KDM4C: variants seen among roughly 807,000 people sequenced by gnomAD.
The protein encoded by KDM4C is lysine-specific demethylase 4C.
In KDM4C, 81 loss-of-function variants were observed where a neutral mutation model predicts 129.3. The observed-to-expected ratio is 0.63, with a 90% CI of 0.52 to 0.75. The LOEUF (loss-of-function observed/expected upper bound fraction) is 0.75. KDM4C is among the 30% of genes least tolerant of loss of function. The pLI is 0.00. For synonymous variants in KDM4C, 573 were observed against 456.1 expected (o/e 1.26, Z -3.26); for missense variants, 1,457 against 1,304.0 (o/e 1.12, Z -1.81).
chr9:6,925,047 A>G lies in KDM4C; in HGVS notation c.921+31815A>G, dbSNP rs1007924688. 7.1e-6 allele frequency: 7 copies of G among 985,234 alleles called. No individual in the cohort carries two copies. The African/African-American group carries it at 1.2e-4, about 17-fold the overall frequency. The allele number at this position is 985,234 out of a possible 1,614,324, so 61.0% of individuals were successfully genotyped here. On this transcript the variant is annotated intron_variant, in intron 8 of 21. Coordinates refer to ENST00000381309, the MANE Select transcript of KDM4C (RefSeq NM_015061.6). ...TTCTGAAATGAACCAGGTGTATAAG[A>G]ATGAACATTCAACGAAACATGCATC... is the stretch of plus-strand genomic sequence containing the variant.
At chr9:6,969,515 G>C (rs773789879) in intron 8 of KDM4C, among the ~76,000 whole-genome samples, 5 of 152,138 alleles carry the variant, frequency 3.3e-5, no homozygotes, top group Non-Finnish European at 7.4e-5. Context: ...TCTTTTGGCA[G>C]ATCCTTATAT....
intron 7 of KDM4C, among the ~76,000 whole-genome samples, chr9:6,889,920 A>G (rs929349515): frequency 2.6e-5 from 4 of 152,094 alleles, no homozygotes; most frequent in African/African-American, 9.7e-5. Context: ...GCAGCTCTCT[A>G]CCAGTACTAC....
intron 1 of KDM4C, among the ~76,000 whole-genome samples, chr9:6,779,414 C>T (rs879487497): frequency 6.0e-5 from 9 of 150,494 alleles, no homozygotes; most frequent in Non-Finnish European, 1.2e-4. Context: ...GTAGATCTAG[C>T]AGAAGTAGCT....
intron 8 of KDM4C, among the ~76,000 whole-genome samples, chr9:6,907,669 C>A (rs989735547): frequency 3.3e-5 from 5 of 152,176 alleles, no homozygotes; most frequent in Non-Finnish European, 5.9e-5. Context: ...GGACATTTCA[C>A]GTTGATTCTA....
intron 8 of KDM4C, among the ~76,000 whole-genome samples, chr9:6,948,977 C>T (rs1228022842): frequency 2.6e-5 from 4 of 152,354 alleles, no homozygotes; most frequent in South Asian, 4.1e-4. Context: ...CATCATGGCC[C>T]GTTCTCATTG....
At chr9:7,075,380 G>C (rs1052608023) in intron 17 of KDM4C, among the ~76,000 whole-genome samples, 2 of 152,126 alleles carry the variant, frequency 1.3e-5, no homozygotes, top group East Asian at 3.8e-4. Flanking sequence ...GGCAGTGTTG[G>C]GGGGTGCGAC....
intron 15 of KDM4C, among the ~76,000 whole-genome samples, chr9:7,028,997 G>A (rs1308967923): frequency 6.6e-6 from 1 of 152,134 alleles, no homozygotes; most frequent in African/African-American, 2.4e-5. Context: ...TTAAAAACCA[G>A]GTACTGTGGG....
At chr9:7,014,958 C>A (rs1259428968) in intron 14 of KDM4C, among the ~76,000 whole-genome samples, 1 of 143,140 alleles carries the variant, frequency 7.0e-6, no homozygotes, top group Non-Finnish European at 1.5e-5. Flanking sequence ...ACACACCTTA[C>A]ATTATTATGT....
intron 3 of KDM4C, among the ~76,000 whole-genome samples, chr9:6,807,233 C>T (rs886427122): frequency 1.3e-5 from 2 of 152,174 alleles, no homozygotes; most frequent in African/African-American, 2.4e-5. Flanking sequence ...GATCTCGGCT[C>T]ACTATAACCT....
intron 17 of KDM4C, among the ~76,000 whole-genome samples, chr9:7,053,086 C>G (rs1830431627): frequency 6.6e-6 from 1 of 152,108 alleles, no homozygotes; most frequent in Non-Finnish European, 1.5e-5. Context: ...TAGTATAAAG[C>G]TAGTAACTGC....
chr9:7,093,387 TAAC>T (rs927180570), intron 17 of KDM4C, among the ~76,000 whole-genome samples: 3 of 152,148 alleles, frequency 2.0e-5, no homozygotes, highest in African/African-American at 4.8e-5. Flanking sequence ...AATAATAAAA[TAAC>T]AACACGAAAA....
chr9:6,731,324 G>GTTTTTTTT (rs1563914599), intron 1 of KDM4C, among the ~76,000 whole-genome samples: 1 of 92,946 alleles, frequency 1.1e-5, no homozygotes, highest in African/African-American at 4.1e-5. Flanking sequence ...TTTTTTTTTT[G>GTTTTTTTT]CTTTTTTTTT....
rs531909681 is a variant in KDM4C at position 6,793,120 on chromosome 9, G to C, written c.132G>C (p.Ala44=). 5 of 1,613,810 alleles carry C rather than the reference G, an allele frequency of 3.1e-6. No homozygotes were observed. The highest frequency in any genetic ancestry group is 4.2e-6 in the Non-Finnish European group (5 of 1,179,898). Residue 44 remains alanine (A), a synonymous_variant, in exon 2 of 22, where the codon GCG becomes GCC. Coordinates refer to ENST00000381309, the MANE Select transcript of KDM4C (RefSeq NM_015061.6). ...TGGAGTCTAAAGGAGCCCATCGTGC[G>C]GGTCTTGCAAAGGTGATTATCCTTC... ...AYMESKGAHR[A]GLAKVIPPKE...
intron 17 of KDM4C, among the ~76,000 whole-genome samples, chr9:7,060,464 TTA>T: frequency 2.2e-5 from 2 of 90,522 alleles, no homozygotes; most frequent in South Asian, 5.5e-4. Flanking sequence ...GTTATTATTA[TTA>T]TTATTATTAT....
intron 15 of KDM4C, among the ~76,000 whole-genome samples, chr9:7,022,000 T>A (rs138142969): frequency 1.3e-5 from 2 of 152,216 alleles, no homozygotes; most frequent in Non-Finnish European, 2.9e-5. Context: ...CTCTATTCTC[T>A]TCCACTGATC....
At chr9:6,754,962 G>A (rs1469075452), upstream of KDM4C, among the ~76,000 whole-genome samples, 1 of 151,994 alleles carries the variant, frequency 6.6e-6, no homozygotes. Context: ...TATTGGCCAG[G>A]CATGGTGGCT....
intron 19 of KDM4C, among the ~76,000 whole-genome samples, chr9:7,136,658 T>C (rs1329915837): frequency 6.6e-6 from 1 of 152,252 alleles, no homozygotes. Context: ...ACCAGTAATA[T>C]ATTTTACATT....
intron 15 of KDM4C, among the ~76,000 whole-genome samples, chr9:7,023,015 T>C (rs1825153774): frequency 6.6e-6 from 1 of 152,236 alleles, no homozygotes; most frequent in Non-Finnish European, 1.5e-5. Flanking sequence ...TCATGATGAA[T>C]GATCTTTTTA....
At chr9:7,021,120 A>T (rs151311195) in intron 15 of KDM4C, among the ~76,000 whole-genome samples, 1 of 128,296 alleles carries the variant, frequency 7.8e-6, no homozygotes, top group Admixed American at 8.6e-5. Context: ...ACATATATAT[A>T]TGTGTGTGTG....
Sources: gnomAD v4.1 joint callset for allele counts (sites outside exome capture counted in the v4.1 genomes callset) on GRCh38, gnomAD v4.1.1 for gene constraint, MANE v1.5 for transcripts, NCBI Gene and HGNC (gene_info 2026-07-23, HGNC 2026-07-21) for gene names.